The following GPC5 variants were observed in gnomAD, a reference collection of about 807,000 sequenced individuals.
GPC5 encodes the protein glypican-5.
Under a neutral mutation model 53.9 loss-of-function variants are expected in GPC5, and 47 were observed. The observed-to-expected ratio is 0.87, with a 90% CI of 0.69 to 1.11. GPC5 has a LOEUF of 1.11. Among genes scored for constraint, GPC5 ranks in the 50% most tolerant of loss-of-function variants. The probability of loss-of-function intolerance (pLI) is 0.00; values close to 1 mark genes in which losing one functional copy is unlikely to be tolerated. For missense variants in GPC5, 748 were observed against 713.1 expected (o/e 1.05, Z -0.56); for synonymous variants, 286 against 263.3 (o/e 1.09, Z -0.84).
At chr13:91,510,540 T>C (rs2139329795) in intron 2 of GPC5, among the ~76,000 whole-genome samples, 2 of 152,352 alleles carry the variant, frequency 1.3e-5, no homozygotes, top group Admixed American at 1.3e-4. Context: ...TCATTTTTCT[T>C]TTGGAAAACA....
At chr13:92,649,910 A>G (rs1210982254) in intron 7 of GPC5, among the ~76,000 whole-genome samples, 2 of 152,162 alleles carry the variant, frequency 1.3e-5, no homozygotes, top group East Asian at 1.9e-4. Context: ...TAAAAATGCT[A>G]GGCTAGGCAA....
intron 2 of GPC5, among the ~76,000 whole-genome samples, chr13:91,549,039 G>T (rs1221009797): frequency 6.6e-6 from 1 of 152,142 alleles, no homozygotes; most frequent in African/African-American, 2.4e-5. Context: ...GGGAGGCCAA[G>T]GTGGTCGGAT....
intron 5 of GPC5, among the ~76,000 whole-genome samples, chr13:91,819,024 C>T (rs1052893219): frequency 2.0e-5 from 3 of 151,642 alleles, no homozygotes; most frequent in Admixed American, 1.3e-4. Context: ...TAGAAGACAG[C>T]GTAATGAAAC....
chr13:92,158,759 T>C (rs2041964129), intron 7 of GPC5, among the ~76,000 whole-genome samples: 1 of 152,304 alleles, frequency 6.6e-6, no homozygotes, highest in Admixed American at 6.5e-5. Flanking sequence ...TGAAATACTA[T>C]TTTAAAACTG....
At chr13:92,691,572 G>A (rs936286544) in intron 7 of GPC5, among the ~76,000 whole-genome samples, 10 of 151,832 alleles carry the variant, frequency 6.6e-5, no homozygotes, top group African/African-American at 1.9e-4. Context: ...GTTCCTATTC[G>A]GCCATCTTGG....
chr13:92,581,064 G>C (rs1883352672), intron 7 of GPC5, among the ~76,000 whole-genome samples: 1 of 152,008 alleles, frequency 6.6e-6, no homozygotes, highest in Non-Finnish European at 1.5e-5. Flanking sequence ...ATTCTTATCT[G>C]TTTGTTGTGG....
intron 4 of GPC5, among the ~76,000 whole-genome samples, chr13:91,742,534 G>A (rs967362547): frequency 2.0e-4 from 31 of 152,144 alleles, no homozygotes; most frequent in Non-Finnish European, 4.4e-4. Flanking sequence ...GAAAGAAGAG[G>A]CAGGTTCAAC....
chr13:92,633,091 A>T (rs899698403), intron 7 of GPC5, among the ~76,000 whole-genome samples: 3 of 152,102 alleles, frequency 2.0e-5, no homozygotes, highest in African/African-American at 7.2e-5. Context: ...GGGTTTCACC[A>T]TGTTGGCCAG....
At chr13:92,117,994 TG>T (rs2041614188) in intron 6 of GPC5, among the ~76,000 whole-genome samples, 2 of 152,198 alleles carry the variant, frequency 1.3e-5, no homozygotes, top group Non-Finnish European at 2.9e-5. Flanking sequence ...TGAATATAAG[TG>T]GTAGAAGAGC....
At chr13:92,213,915 G>C (rs2139078020) in intron 7 of GPC5, among the ~76,000 whole-genome samples, 1 of 152,254 alleles carries the variant, frequency 6.6e-6, no homozygotes, top group South Asian at 2.1e-4. Flanking sequence ...TATTGTTATT[G>C]AGACTTTCTG....
chr13:92,862,007 A>G (rs1879198155), intron 7 of GPC5, among the ~76,000 whole-genome samples: 2 of 152,180 alleles, frequency 1.3e-5, no homozygotes, highest in Admixed American at 6.5e-5. Context: ...GGTCATAGCT[A>G]AAGTCAACCA....
chr13:91,813,627 A>C (rs921947978), intron 5 of GPC5, among the ~76,000 whole-genome samples: 3 of 152,148 alleles, frequency 2.0e-5, no homozygotes, highest in African/African-American at 7.2e-5. Context: ...GGGGGTTAGG[A>C]ATGAAGTTTG....
chr13:92,816,590 C>G (rs1221852263), intron 7 of GPC5, among the ~76,000 whole-genome samples: 2 of 151,980 alleles, frequency 1.3e-5, no homozygotes, highest in East Asian at 3.9e-4. Context: ...ACCTTGCTTT[C>G]ACTTAATTGT....
At chr13:91,762,309 A>AT (rs34722954) in intron 5 of GPC5, among the ~76,000 whole-genome samples, 44,799 of 146,040 alleles carry the variant, frequency 0.31, 7,187 homozygotes, top group African/African-American at 0.39. Flanking sequence ...TGTTAACCTC[A>AT]TTTTTTTTTT....
intron 7 of GPC5, among the ~76,000 whole-genome samples, chr13:92,247,976 A>G (rs2042664889): frequency 6.6e-6 from 1 of 152,126 alleles, no homozygotes; most frequent in Non-Finnish European, 1.5e-5. Flanking sequence ...TAATCCAAAC[A>G]AACAGCCAGC....
chr13:92,034,988 A>T (rs1370386950), intron 6 of GPC5, among the ~76,000 whole-genome samples: 1 of 152,180 alleles, frequency 6.6e-6, no homozygotes, highest in East Asian at 1.9e-4. Context: ...ATAGTTGCTT[A>T]CACAGTATTT....
At chr13:92,666,410 A>G (rs1886566643) in intron 7 of GPC5, among the ~76,000 whole-genome samples, 1 of 152,212 alleles carries the variant, frequency 6.6e-6, no homozygotes, top group Non-Finnish European at 1.5e-5. Context: ...ATTTAAGGAT[A>G]TAATCTGGCA....
At position 91,768,910 on chromosome 13, in the gene GPC5, C is replaced by T. The variant is rs140431990; in HGVS notation, c.1280+12490C>T. Among the ~76,000 whole-genome samples, 15 of 152,246 alleles carry T rather than the reference C, an allele frequency of 9.9e-5. No homozygotes were observed. The East Asian group carries it at 2.3e-3, about 23-fold the overall frequency. The stretch of plus-strand genomic sequence containing the variant: ...CTCATGCTCTGTAGGGTAGAGAGAG[C>T]CACAGCATAAACATCACACCTGCAG... On this transcript the variant is annotated intron_variant, in intron 5 of 7. Coordinates refer to ENST00000377067, the MANE Select transcript of GPC5 (RefSeq NM_004466.6).
intron 7 of GPC5, among the ~76,000 whole-genome samples, chr13:92,449,659 T>C (rs1426070586): frequency 6.6e-6 from 1 of 152,094 alleles, no homozygotes; most frequent in Non-Finnish European, 1.5e-5. Context: ...AACAGTGAAA[T>C]AGGGCAAAAT....
Sources: gnomAD v4.1 joint callset for allele counts (sites outside exome capture counted in the v4.1 genomes callset) on GRCh38, gnomAD v4.1.1 for gene constraint, MANE v1.5 for transcripts, NCBI Gene and HGNC (gene_info 2026-07-23, HGNC 2026-07-21) for gene names.